Variants in FGF12 observed in about 807,000 individuals in gnomAD.
FGF12 encodes the protein fibroblast growth factor 12B.
FGF12 carries 14 observed loss-of-function variants against 23.6 expected under a neutral mutation model. The ratio of observed to expected loss-of-function variants is 0.59; its 90% CI spans 0.39 to 0.93. The LOEUF is 0.93. Among genes scored for constraint, FGF12 ranks in the 40% least tolerant of loss-of-function variants. FGF12 has a pLI of 0.00. For missense variants in FGF12, 175 were observed against 217.8 expected (o/e 0.80, Z 1.24); for synonymous variants, 62 against 77.3 (o/e 0.80, Z 1.04).
chr3:192,649,654 C>T (rs1207515158), intron 2 of FGF12, among the ~76,000 whole-genome samples: 3 of 152,018 alleles, frequency 2.0e-5, no homozygotes, highest in Non-Finnish European at 2.9e-5. Context: ...CCGGTTCCAG[C>T]GATCCTCCCA....
At chr3:192,566,227 G>A (rs1712272919) in intron 2 of FGF12, among the ~76,000 whole-genome samples, 1 of 152,224 alleles carries the variant, frequency 6.6e-6, no homozygotes, top group Non-Finnish European at 1.5e-5. Context: ...GAGCCAAATT[G>A]AGGGATCTCA....
chr3:192,450,101 G>T (rs2108801196), intron 2 of FGF12, among the ~76,000 whole-genome samples: 1 of 152,252 alleles, frequency 6.6e-6, no homozygotes, highest in South Asian at 2.1e-4. Flanking sequence ...AAGAGTAGCA[G>T]AGACAAAGCC....
chr3:192,531,177 C>T (rs1043625980), intron 2 of FGF12, among the ~76,000 whole-genome samples: 5 of 152,128 alleles, frequency 3.3e-5, no homozygotes, highest in South Asian at 2.1e-4. Flanking sequence ...CAGCTACACA[C>T]GTTATTAGAG....
intron 2 of FGF12, among the ~76,000 whole-genome samples, chr3:192,368,495 A>G (rs9810638): frequency 0.42 from 64,123 of 151,906 alleles, 13,829 homozygotes; most frequent in Admixed American, 0.51. Context: ...GAAGGAAACC[A>G]TTAAGGATAT....
chr3:192,485,113 CATCT>C (rs1449708891), intron 2 of FGF12, among the ~76,000 whole-genome samples: 5 of 149,834 alleles, frequency 3.3e-5, no homozygotes, highest in African/African-American at 5.0e-5. Flanking sequence ...CATAAACATC[CATCT>C]ATCTGTATGT....
intron 2 of FGF12, among the ~76,000 whole-genome samples, chr3:192,419,245 G>T (rs1721447592): frequency 6.6e-6 from 1 of 152,030 alleles, no homozygotes; most frequent in Non-Finnish European, 1.5e-5. Context: ...ACATCATTTA[G>T]GGCCACCCAC....
intron 2 of FGF12, among the ~76,000 whole-genome samples, chr3:192,652,285 G>A (rs1004802498): frequency 6.6e-6 from 1 of 152,284 alleles, no homozygotes. Context: ...GCCTTGAAGA[G>A]GGAGGAGTAT....
At chr3:192,626,177 T>C (rs1715160921) in intron 2 of FGF12, among the ~76,000 whole-genome samples, 1 of 152,172 alleles carries the variant, frequency 6.6e-6, no homozygotes, top group Non-Finnish European at 1.5e-5. Context: ...CAGTAAGTGG[T>C]TGGAGGTTTC....
At chr3:192,551,297 G>T (rs1174208449) in intron 2 of FGF12, among the ~76,000 whole-genome samples, 1 of 152,160 alleles carries the variant, frequency 6.6e-6, no homozygotes, top group Admixed American at 6.6e-5. Flanking sequence ...TCAGAGTTTC[G>T]GGCTGGTAAG....
chr3:192,371,684 T>C (rs758158825), intron 2 of FGF12, among the ~76,000 whole-genome samples: 1 of 152,218 alleles, frequency 6.6e-6, no homozygotes, highest in Non-Finnish European at 1.5e-5. Context: ...AGGCACTTTA[T>C]GTGGATTATC....
chr3:192,205,133 T>C (rs888984046), intron 4 of FGF12, among the ~76,000 whole-genome samples: 1 of 151,978 alleles, frequency 6.6e-6, no homozygotes, highest in Non-Finnish European at 1.5e-5. Flanking sequence ...ATGACAGCCA[T>C]TAGAAAAAAA....
At chr3:192,397,018 C>T (rs1412845479) in intron 2 of FGF12, among the ~76,000 whole-genome samples, 1 of 152,180 alleles carries the variant, frequency 6.6e-6, no homozygotes, top group African/African-American at 2.4e-5. Flanking sequence ...ATGAATGGAA[C>T]TCTAAATCAT....
At chr3:192,173,866 A>T (rs556084456) in intron 4 of FGF12, among the ~76,000 whole-genome samples, 1 of 152,376 alleles carries the variant, frequency 6.6e-6, no homozygotes, top group East Asian at 1.9e-4. Flanking sequence ...TGTAAATTTG[A>T]AGATAGATAT....
At chr3:192,415,506 G>A (rs981419894) in intron 2 of FGF12, among the ~76,000 whole-genome samples, 2 of 152,004 alleles carry the variant, frequency 1.3e-5, no homozygotes, top group Non-Finnish European at 2.9e-5. Flanking sequence ...GAAGAATGGG[G>A]TATCAACTCT....
chr3:192,291,162 G>A (rs535558209), intron 4 of FGF12, among the ~76,000 whole-genome samples: 28 of 152,202 alleles, frequency 1.8e-4, no homozygotes, highest in Admixed American at 1.2e-3. Context: ...TATTGAGTAG[G>A]AGAGCTTCTT....
At chr3:192,388,444 T>C (rs183536226) in intron 2 of FGF12, among the ~76,000 whole-genome samples, 94 of 152,302 alleles carry the variant, frequency 6.2e-4, no homozygotes, top group African/African-American at 2.2e-3. Flanking sequence ...TTGACATATG[T>C]TAGGTGCTTT....
chr3:192,179,428 T>G (rs375571597), intron 4 of FGF12, among the ~76,000 whole-genome samples: 3 of 152,164 alleles, frequency 2.0e-5, no homozygotes, highest in African/African-American at 4.8e-5. Flanking sequence ...TGGAGGTAGA[T>G]GGACACAACT....
chr3:192,544,572 TA>T (rs1350982714), intron 2 of FGF12, among the ~76,000 whole-genome samples: 5 of 152,236 alleles, frequency 3.3e-5, no homozygotes, highest in African/African-American at 1.2e-4. Flanking sequence ...AAATTTATTT[TA>T]TCTCAGTATT....
At chr3:192,432,308 T>A (rs1165912654) in intron 2 of FGF12, among the ~76,000 whole-genome samples, 1 of 152,088 alleles carries the variant, frequency 6.6e-6, no homozygotes, top group Non-Finnish European at 1.5e-5. Flanking sequence ...TGTGGGAGTA[T>A]TGATTCATAT....
Sources: allele counts gnomAD v4.1 joint callset (sites outside exome capture counted in the v4.1 genomes callset), GRCh38; gene constraint gnomAD v4.1.1; transcripts MANE v1.5; gene names NCBI Gene and HGNC (gene_info 2026-07-23, HGNC 2026-07-21).